The following PDE4B variants were observed in gnomAD, a reference collection of about 807,000 sequenced individuals.
PDE4B encodes the protein phosphodiesterase 4B.
PDE4B carries 20 observed loss-of-function variants against 82.2 expected under a neutral mutation model. The ratio of observed to expected loss-of-function variants is 0.24; its 90% CI spans 0.17 to 0.35. The LOEUF (loss-of-function observed/expected upper bound fraction) is 0.35. Among genes scored for constraint, PDE4B ranks in the 10% least tolerant of loss-of-function variants. The pLI, the probability that PDE4B is intolerant of heterozygous loss-of-function variation, is 1.00. For synonymous variants in PDE4B, 320 were observed against 318.9 expected, an observed-to-expected ratio of 1.00 and a Z score of -0.04; for missense variants, 655 against 907.2, an observed-to-expected ratio of 0.72 and a Z score of 3.57.
At chr1:65,804,526 A>G (rs1432631675) in intron 1 of PDE4B, among the ~76,000 whole-genome samples, 1 of 152,200 alleles carries the variant, frequency 6.6e-6, no homozygotes, top group African/African-American at 2.4e-5. Context: ...TGTTTTGGAC[A>G]GGAAGTAGTT....
chr1:65,880,213 T>C (rs979898195), intron 1 of PDE4B, among the ~76,000 whole-genome samples: 7 of 152,206 alleles, frequency 4.6e-5, no homozygotes, highest in African/African-American at 1.7e-4. Flanking sequence ...CTGGGTACTC[T>C]GAACACCTCT....
chr1:66,191,643 A>C (rs1043863978), intron 3 of PDE4B, among the ~76,000 whole-genome samples: 3 of 152,128 alleles, frequency 2.0e-5, no homozygotes, highest in African/African-American at 7.2e-5. Flanking sequence ...GGAAGGGGAG[A>C]ATCGAGAGCG....
chr1:66,305,241 A>T (rs1219412201), intron 7 of PDE4B, among the ~76,000 whole-genome samples: 1 of 152,180 alleles, frequency 6.6e-6, no homozygotes, highest in Non-Finnish European at 1.5e-5. Context: ...ATCAAAATGC[A>T]AAAACCCAGA....
intron 3 of PDE4B, among the ~76,000 whole-genome samples, chr1:65,967,758 CA>C (rs1407671388): frequency 3.3e-5 from 5 of 152,100 alleles, no homozygotes. Context: ...TCTCAGCAAA[CA>C]AACACAGGAA....
chr1:65,796,549 A>G (rs1056921897), intron 1 of PDE4B, among the ~76,000 whole-genome samples: 1 of 151,232 alleles, frequency 6.6e-6, no homozygotes, highest in Non-Finnish European at 1.5e-5. Context: ...TTTCAACTCA[A>G]TAATTTCCAT....
At chr1:66,348,857 T>A (rs1661609109) in intron 8 of PDE4B, among the ~76,000 whole-genome samples, 1 of 152,050 alleles carries the variant, frequency 6.6e-6, no homozygotes, top group Non-Finnish European at 1.5e-5. Flanking sequence ...AGTTACAGTA[T>A]CTTTTGTCCA....
chr1:66,162,634 C>T (rs778902505), intron 3 of PDE4B, among the ~76,000 whole-genome samples: 1 of 151,684 alleles, frequency 6.6e-6, no homozygotes, highest in Non-Finnish European at 1.5e-5. Context: ...TTTGCATATA[C>T]TTACTTGTTG....
chr1:66,040,404 C>T (rs1180545366), intron 3 of PDE4B, among the ~76,000 whole-genome samples: 1 of 151,928 alleles, frequency 6.6e-6, no homozygotes, highest in Non-Finnish European at 1.5e-5. Context: ...ATGTTTCTTC[C>T]CACTCCCAAA....
chr1:66,253,193 C>G (rs892065050), intron 4 of PDE4B, among the ~76,000 whole-genome samples: 1 of 152,172 alleles, frequency 6.6e-6, no homozygotes, highest in Non-Finnish European at 1.5e-5. Flanking sequence ...AATAATGCAG[C>G]TGAGAAACAA....
chr1:65,836,655 C>T (rs536936390), intron 1 of PDE4B, among the ~76,000 whole-genome samples: 51 of 152,176 alleles, frequency 3.4e-4, no homozygotes, highest in African/African-American at 1.1e-3. Flanking sequence ...GTTTCAACTC[C>T]TTTACTTTTT....
chr1:66,356,281 A>T (rs995691732), intron 9 of PDE4B, among the ~76,000 whole-genome samples: 31 of 152,208 alleles, frequency 2.0e-4, no homozygotes, highest in Admixed American at 2.0e-3. Flanking sequence ...TTAACACATG[A>T]TTTGCTGACC....
intron 3 of PDE4B, among the ~76,000 whole-genome samples, chr1:66,096,419 A>G (rs1335958389): frequency 6.7e-6 from 1 of 149,728 alleles, no homozygotes. Context: ...TATGACATAG[A>G]CTACTTTGTC....
intron 1 of PDE4B, among the ~76,000 whole-genome samples, chr1:65,894,235 A>G (rs2100396604): frequency 6.6e-6 from 1 of 152,324 alleles, no homozygotes; most frequent in Non-Finnish European, 1.5e-5. Context: ...ACACTAAGAT[A>G]GAGAGTCCAG....
At chr1:66,104,633 A>T (rs1421567517) in intron 3 of PDE4B, among the ~76,000 whole-genome samples, 3 of 148,648 alleles carry the variant, frequency 2.0e-5, no homozygotes, top group African/African-American at 7.4e-5. Context: ...TTGCCATTCT[A>T]ACTGGTGTGA....
chr1:66,032,339 C>G (rs1452359153), intron 3 of PDE4B, among the ~76,000 whole-genome samples: 1 of 152,094 alleles, frequency 6.6e-6, no homozygotes, highest in Non-Finnish European at 1.5e-5. Context: ...TGATGACAGA[C>G]CTGAATATTT....
intron 1 of PDE4B, among the ~76,000 whole-genome samples, chr1:65,851,494 GTCTT>G (rs1205393435): frequency 4.0e-5 from 6 of 151,888 alleles, no homozygotes; most frequent in African/African-American, 9.7e-5. Context: ...ATTTATTTAG[GTCTT>G]TCTTTCCACA....
chr1:66,224,020 A>G (rs1651221802), intron 3 of PDE4B, among the ~76,000 whole-genome samples: 1 of 152,124 alleles, frequency 6.6e-6, no homozygotes, highest in African/African-American at 2.4e-5. Flanking sequence ...TTTCTTCCAC[A>G]TCAACTAAGC....
rs190950084 is a variant in PDE4B at position 66,165,979 on chromosome 1, C to T, written c.282-81481C>T. On this transcript the variant is annotated intron_variant, in intron 3 of 16. Transcript: ENST00000341517. ...AAAAAAAAAAAGAAATTGGAGGATTCACACTTTCCAATTTAAAAATTTACT... is the reference window on the plus strand; with the variant it reads ...AAAAAAAAAAAGAAATTGGAGGATTTACACTTTCCAATTTAAAAATTTACT... Among the ~76,000 whole-genome samples, 12 of 151,122 alleles carry T rather than the reference C, an allele frequency of 7.9e-5. No homozygotes were observed. In the East Asian group the frequency reaches 2.3e-3, roughly 29 times the overall value.
At chr1:65,915,250 A>G (rs1264374655) in intron 2 of PDE4B, among the ~76,000 whole-genome samples, 1 of 152,008 alleles carries the variant, frequency 6.6e-6, no homozygotes, top group Non-Finnish European at 1.5e-5. Context: ...CCAACAAACT[A>G]CTCTTGTAAT....
Sources: allele counts gnomAD v4.1 joint callset (sites outside exome capture counted in the v4.1 genomes callset), GRCh38; gene constraint gnomAD v4.1.1; transcripts MANE v1.5; gene names NCBI Gene and HGNC (gene_info 2026-07-23, HGNC 2026-07-21).